Variants in KCNU1 observed in about 807,000 individuals in gnomAD.
The protein encoded by KCNU1 is potassium calcium-activated channel subfamily U member 1, also known as potassium channel subfamily U member 1.
A neutral mutation model predicts 126.8 loss-of-function variants in KCNU1; 93 were observed. The observed-to-expected ratio is 0.73, with a 90% confidence interval of 0.62 to 0.87. The LOEUF (loss-of-function observed/expected upper bound fraction) is 0.87. KCNU1 is among the 40% of genes least tolerant of loss of function. The pLI is 0.00. For missense variants in KCNU1, 1,330 were observed against 1,367.1 expected, an observed-to-expected ratio of 0.97 and a Z score of 0.43; for synonymous variants, 523 against 494.2, an observed-to-expected ratio of 1.06 and a Z score of -0.77.
chr8:36,884,502 G>A (rs1806615822), intron 19 of KCNU1, among the ~76,000 whole-genome samples: 1 of 152,164 alleles, frequency 6.6e-6, no homozygotes, highest in Non-Finnish European at 1.5e-5. Flanking sequence ...TTGGGAGTCT[G>A]AGGTGGGTGG....
chr8:36,862,856 C>T (rs141610719), intron 18 of KCNU1, among the ~76,000 whole-genome samples: 2 of 152,246 alleles, frequency 1.3e-5, no homozygotes, highest in African/African-American at 4.8e-5. Flanking sequence ...CTTAGACATT[C>T]CATAACCCAG....
intron 22 of KCNU1, among the ~76,000 whole-genome samples, chr8:36,911,378 T>C (rs1296438813): frequency 1.3e-5 from 2 of 152,118 alleles, no homozygotes; most frequent in African/African-American, 4.8e-5. Context: ...AAGGAAAAAA[T>C]AACATAATTT....
intron 19 of KCNU1, among the ~76,000 whole-genome samples, chr8:36,877,248 C>T (rs1290247741): frequency 1.3e-5 from 2 of 151,758 alleles, no homozygotes; most frequent in Non-Finnish European, 2.9e-5. Context: ...TTCAGTCAAG[C>T]CTCTTGCTTT....
At chr8:36,885,297 A>G (rs1003301126) in intron 19 of KCNU1, among the ~76,000 whole-genome samples, 5 of 152,154 alleles carry the variant, frequency 3.3e-5, no homozygotes, top group Non-Finnish European at 5.9e-5. Context: ...GCTCACGCCT[A>G]TAATCCTAGC....
Position 36,845,803 on chromosome 8 carries a change from G to C in KCNU1, c.1795G>C (p.Ala599Pro). The C allele has an allele frequency of 6.2e-7, 1 of 1,604,626 alleles. No homozygotes were observed. The highest frequency in any genetic ancestry group is 8.5e-7 in the Non-Finnish European group (1 of 1,172,570). Reference protein sequence around the residue: ...IAETPKDVRRALFYCSVCHDD... With the variant: ...IAETPKDVRRPLFYCSVCHDD... ...TCTTGGTTTTCTTTCATTGTCCAGA[G>C]CCTTGTTTTACTGTTCAGTCTGTCA... Residue 599 changes from alanine to proline, a missense_variant and splice_region_variant, in exon 18 of 27, where the codon GCC becomes CCC. Ala to Pro is a conservative substitution (Grantham distance 27, BLOSUM62 -1). Transcript: ENST00000399881.
chr8:36,822,161 T>G (rs188049644), intron 10 of KCNU1, among the ~76,000 whole-genome samples: 84 of 152,174 alleles, frequency 5.5e-4, no homozygotes, highest in Middle Eastern at 3.4e-3. Context: ...CCCTTAAGAC[T>G]CCTGACAGCA....
intron 23 of KCNU1, among the ~76,000 whole-genome samples, chr8:36,921,990 T>A (rs1193869401): frequency 6.6e-6 from 1 of 152,132 alleles, no homozygotes; most frequent in Non-Finnish European, 1.5e-5. Flanking sequence ...AATCCCCAAA[T>A]GATTCATATG....
intron 2 of KCNU1, among the ~76,000 whole-genome samples, chr8:36,792,297 T>C (rs933805427): frequency 1.3e-5 from 2 of 152,196 alleles, no homozygotes; most frequent in African/African-American, 4.8e-5. Flanking sequence ...CCTCCCATAA[T>C]TGTATCTATA....
At chr8:36,918,235 A>G (rs1436883488) in intron 22 of KCNU1, among the ~76,000 whole-genome samples, 1 of 152,118 alleles carries the variant, frequency 6.6e-6, no homozygotes, top group Non-Finnish European at 1.5e-5. Flanking sequence ...AGTCATTTGA[A>G]GTGCCATTGA....
chr8:36,814,012 A>C (rs1465398981), intron 7 of KCNU1, among the ~76,000 whole-genome samples, 195 bp from the exon 8 acceptor site: 1 of 152,162 alleles, frequency 6.6e-6, no homozygotes. Flanking sequence ...CGATTAAGGA[A>C]ACCAAGACTT....
At chr8:36,856,750 G>A (rs1029871092) in intron 18 of KCNU1, among the ~76,000 whole-genome samples, 17 of 152,210 alleles carry the variant, frequency 1.1e-4, no homozygotes, top group Middle Eastern at 3.4e-3. Flanking sequence ...TTAAATTTGG[G>A]CCCCTTTGTA....
At chr8:36,854,658 G>T (rs1184903979) in intron 18 of KCNU1, among the ~76,000 whole-genome samples, 1 of 151,958 alleles carries the variant, frequency 6.6e-6, no homozygotes, top group Non-Finnish European at 1.5e-5. Context: ...GGTTTTTAAA[G>T]CTCTTCAAAT....
chr8:36,836,247 C>T (rs754514231), intron 12 of KCNU1, 49 bp from the exon 13 acceptor site: 120 of 1,145,940 alleles, frequency 1.0e-4, no homozygotes, highest in Non-Finnish European at 9.4e-5. Flanking sequence ...TATTACAAAG[C>T]CCTTTGGCTA....
chr8:36,812,251 G>T (rs1029334416), intron 7 of KCNU1, among the ~76,000 whole-genome samples: 9 of 151,560 alleles, frequency 5.9e-5, no homozygotes, highest in Non-Finnish European at 8.8e-5. Flanking sequence ...GTGGTGGCAG[G>T]CACCTGCAAT....
intron 25 of KCNU1, 115 bp downstream of exon 25, chr8:36,931,260 TAAA>T: frequency 1.8e-6 from 1 of 559,108 alleles, no homozygotes; most frequent in Non-Finnish European, 3.1e-6. Context: ...ATGATAACAA[TAAA>T]AATAACAAAA....
chr8:36,860,057 A>T (rs1009571955), intron 18 of KCNU1, among the ~76,000 whole-genome samples: 2 of 148,674 alleles, frequency 1.3e-5, no homozygotes, highest in Non-Finnish European at 3.0e-5. Flanking sequence ...CTAGTAGATT[A>T]TACTTATTTT....
chr8:36,799,588 G>T (rs1013406391), intron 2 of KCNU1, among the ~76,000 whole-genome samples: 2 of 151,744 alleles, frequency 1.3e-5, no homozygotes, highest in Middle Eastern at 3.4e-3. Context: ...AGGCTGGAGT[G>T]CAGTGGTGCA....
Position 36,787,370 on chromosome 8 carries a change from T to C in KCNU1, c.260T>C (p.Phe87Ser), listed in dbSNP as rs1402631072. 3 of 1,612,674 alleles carry C rather than the reference T, an allele frequency of 1.9e-6. No individual in the cohort carries two copies. The highest frequency in any genetic ancestry group is 1.7e-6 in the Non-Finnish European group (2 of 1,179,156). Residue 87 changes from phenylalanine to serine, a missense_variant, in exon 2 of 27, where the codon TTT becomes TCT. Transcript: ENST00000399881. ...HVRSLHFQGQFRDHIEMLLSA... is the reference protein window; with the variant it reads ...HVRSLHFQGQSRDHIEMLLSA... ...AGAAGCCTCCACTTCCAGGGACAATTTCGTGATCATATAGAAATGTTGCTT... is the reference window on the plus strand; with the variant it reads ...AGAAGCCTCCACTTCCAGGGACAATCTCGTGATCATATAGAAATGTTGCTT...
intron 20 of KCNU1, among the ~76,000 whole-genome samples, chr8:36,907,411 T>C (rs932589862): frequency 6.6e-6 from 1 of 152,150 alleles, no homozygotes; most frequent in African/African-American, 2.4e-5. Flanking sequence ...TTAGTTCTAC[T>C]CAGAAAAGCA....
Sources: gnomAD v4.1 joint callset for allele counts (sites outside exome capture counted in the v4.1 genomes callset) on GRCh38, gnomAD v4.1.1 for gene constraint, MANE v1.5 for transcripts, NCBI Gene and HGNC (gene_info 2026-07-23, HGNC 2026-07-21) for gene names.